Variants in SOX6 observed in about 807,000 individuals in gnomAD.
SOX6 encodes SRY-box transcription factor 6, also known as transcription factor SOX-6.
SOX6 carries 11 observed loss-of-function variants against 97.8 expected under a neutral mutation model. The ratio of observed to expected loss-of-function variants is 0.11; its 90% CI spans 0.07 to 0.19. SOX6 has a LOEUF of 0.19. Ranked by LOEUF, SOX6 falls within the 10% of genes least tolerant of loss-of-function variation. The pLI is 1.00. For synonymous variants in SOX6, 360 were observed against 371.4 expected (o/e 0.97, Z 0.35); for missense variants, 810 against 1,039.5 (o/e 0.78, Z 3.04).
intron 13 of SOX6, among the ~76,000 whole-genome samples, chr11:16,008,343 A>G (rs965084182): frequency 6.6e-6 from 1 of 152,140 alleles, no homozygotes; most frequent in African/African-American, 2.4e-5. Flanking sequence ...TGACATAGAC[A>G]GTTATTTCTT....
chr11:16,401,691 C>T (rs1858562667), intron 1 of SOX6, among the ~76,000 whole-genome samples: 2 of 151,410 alleles, frequency 1.3e-5, no homozygotes, highest in Non-Finnish European at 3.0e-5. Context: ...CATTATATTA[C>T]TTTAAGTCTA....
intron 1 of SOX6, among the ~76,000 whole-genome samples, chr11:16,391,067 T>A (rs1858163875): frequency 6.6e-6 from 1 of 152,102 alleles, no homozygotes. Context: ...CTGGAAACCG[T>A]CATTCTCAGC....
At chr11:16,068,251 G>C (rs766927466) in intron 9 of SOX6, among the ~76,000 whole-genome samples, 151 of 152,228 alleles carry the variant, frequency 9.9e-4, no homozygotes, top group Admixed American at 2.0e-3. Flanking sequence ...CCACTTCTTT[G>C]CCTACCAAGC....
chr11:16,240,909 T>G (rs2134185013), intron 3 of SOX6, among the ~76,000 whole-genome samples: 1 of 152,120 alleles, frequency 6.6e-6, no homozygotes, highest in South Asian at 2.1e-4. Flanking sequence ...TTTAAATCAT[T>G]ATTTGAACAT....
At chr11:16,540,219 C>T (rs965202435) in intron 4 of SOX6, among the ~76,000 whole-genome samples, 1 of 152,110 alleles carries the variant, frequency 6.6e-6, no homozygotes, top group Admixed American at 6.5e-5. Context: ...ACAACAAAAA[C>T]CACATGATTA....
At chr11:16,096,413 T>C (rs2133974349) in intron 8 of SOX6, among the ~76,000 whole-genome samples, 1 of 151,894 alleles carries the variant, frequency 6.6e-6, no homozygotes, top group South Asian at 2.1e-4. Context: ...GCACCAACTA[T>C]AGTAGGTTTC....
intron 4 of SOX6, among the ~76,000 whole-genome samples, chr11:16,493,068 T>C (rs989350099): frequency 1.3e-5 from 2 of 152,154 alleles, no homozygotes; most frequent in Non-Finnish European, 2.9e-5. Context: ...CTAATATAGA[T>C]AAAAATACCA....
At chr11:16,036,703 A>T (rs930371589) in intron 12 of SOX6, among the ~76,000 whole-genome samples, 3 of 152,192 alleles carry the variant, frequency 2.0e-5, no homozygotes, top group Non-Finnish European at 1.5e-5. Flanking sequence ...CAAAGTCTGC[A>T]GAAAGTTCAG....
chr11:16,404,947 C>T (rs1012964775), intron 1 of SOX6, among the ~76,000 whole-genome samples: 3 of 151,972 alleles, frequency 2.0e-5, no homozygotes, highest in Non-Finnish European at 4.4e-5. Context: ...CAGCTTTGTG[C>T]GTGATATCTT....
chr11:16,025,084 C>T (rs957940317), intron 12 of SOX6, among the ~76,000 whole-genome samples: 4 of 152,104 alleles, frequency 2.6e-5, no homozygotes, highest in Non-Finnish European at 5.9e-5. Flanking sequence ...GCTTACTGAA[C>T]CCCTTTAACC....
At chr11:16,364,701 C>A (rs1424710373) in intron 1 of SOX6, among the ~76,000 whole-genome samples, 1 of 152,046 alleles carries the variant, frequency 6.6e-6, no homozygotes, top group African/African-American at 2.4e-5. Context: ...TAAGGTAGAG[C>A]AATTAATTGC....
intron 3 of SOX6, among the ~76,000 whole-genome samples, chr11:16,659,438 C>T (rs767666357): frequency 3.9e-5 from 6 of 152,120 alleles, no homozygotes; most frequent in Non-Finnish European, 7.4e-5. Flanking sequence ...GTATTGGTTA[C>T]GGTAGTTTAT....
chr11:16,676,825 A>G (rs1456500604), intron 3 of SOX6, among the ~76,000 whole-genome samples: 1 of 151,996 alleles, frequency 6.6e-6, no homozygotes, highest in African/African-American at 2.4e-5. Flanking sequence ...TTAGTCCTCA[A>G]TTCCTGCTTA....
intron 4 of SOX6, among the ~76,000 whole-genome samples, chr11:16,497,127 G>A (rs556093813): frequency 6.6e-6 from 1 of 152,288 alleles, no homozygotes; most frequent in East Asian, 1.9e-4. Flanking sequence ...AACTTCCAGA[G>A]GAACGATCAG....
chr11:16,694,724 G>A (rs1003970295), intron 3 of SOX6, among the ~76,000 whole-genome samples: 4 of 152,204 alleles, frequency 2.6e-5, no homozygotes, highest in African/African-American at 9.6e-5. Flanking sequence ...ACCAAACACA[G>A]CACCTACCAA....
upstream of SOX6, among the ~76,000 whole-genome samples, chr11:16,481,039 T>A (rs1215769615): frequency 6.6e-6 from 1 of 152,130 alleles, no homozygotes; most frequent in Non-Finnish European, 1.5e-5. Flanking sequence ...TGTATGCAAA[T>A]TCAAGTGGGT....
At chr11:16,577,565 T>G (rs1321436911) in intron 4 of SOX6, among the ~76,000 whole-genome samples, 1 of 152,228 alleles carries the variant, frequency 6.6e-6, no homozygotes, top group African/African-American at 2.4e-5. Context: ...TTCCAATGAA[T>G]GTTCCACCTT....
chr11:16,612,228 CCT>C (rs1326799377), exon 4 of SOX6: 2 of 148,398 alleles, frequency 1.3e-5, no homozygotes, highest in African/African-American at 5.0e-5. Flanking sequence ...CCTCTCTCTC[CCT>C]CTCTCTTTCA....
intron 3 of SOX6, among the ~76,000 whole-genome samples, chr11:16,623,772 C>T (rs1156530902): frequency 6.6e-6 from 1 of 152,172 alleles, no homozygotes; most frequent in Non-Finnish European, 1.5e-5. Context: ...ATTCATTCTT[C>T]TACATGTGGC....
Sources: allele counts gnomAD v4.1 joint callset (sites outside exome capture counted in the v4.1 genomes callset), GRCh38; gene constraint gnomAD v4.1.1; transcripts MANE v1.5; gene names NCBI Gene and HGNC (gene_info 2026-07-23, HGNC 2026-07-21).